The following CCDC15 variants were observed in gnomAD, a reference collection of about 807,000 sequenced individuals.
CCDC15 encodes the protein coiled-coil domain-containing protein 15.
Under a neutral mutation model 114.5 loss-of-function variants are expected in CCDC15, and 105 were observed. The ratio of observed to expected loss-of-function variants is 0.92; its 90% confidence interval spans 0.78 to 1.08. The LOEUF is 1.08. CCDC15 is among the 50% of genes least tolerant of loss of function. The pLI, the probability that CCDC15 is intolerant of heterozygous loss-of-function variation, is 0.00. For synonymous variants in CCDC15, 334 were observed against 377.8 expected, an observed-to-expected ratio of 0.88 and a Z score of 1.34; for missense variants, 1,105 against 1,093.6, an observed-to-expected ratio of 1.01 and a Z score of -0.15.
chr11:124,958,624 A>G (rs1229526012), intron 2 of CCDC15, among the ~76,000 whole-genome samples: 3 of 152,092 alleles, frequency 2.0e-5, no homozygotes, highest in Non-Finnish European at 4.4e-5. Flanking sequence ...GAAGTACTAT[A>G]CTCAGTTAAC....
intron 4 of CCDC15, among the ~76,000 whole-genome samples, chr11:124,966,022 C>A (rs1947772410): frequency 6.6e-6 from 1 of 152,156 alleles, no homozygotes; most frequent in Non-Finnish European, 1.5e-5. Flanking sequence ...GTTGTGATTT[C>A]TGTTCTTTTA....
At chr11:124,954,402 A>C in intron 1 of CCDC15, 32 bp downstream of exon 1, 1 of 199,804 alleles carries the variant, frequency 5.0e-6, no homozygotes, top group Non-Finnish European at 1.0e-5. Flanking sequence ...TCCGGGTTGC[A>C]GCTGTCATTC....
intron 11 of CCDC15, among the ~76,000 whole-genome samples, chr11:125,000,663 G>T (rs1948464808): frequency 6.6e-6 from 1 of 152,116 alleles, no homozygotes; most frequent in Non-Finnish European, 1.5e-5. Flanking sequence ...AAATTTTAGA[G>T]ATATTTCACA....
rs904317633 is a variant in CCDC15, at chr11:125,039,389, G to C, written c.2734+320G>C. The C allele has an allele frequency of 1.4e-4, 32 of 231,014 alleles. 1 individual carries two copies. Among genetic ancestry groups the C allele is most frequent in the African/African-American group, 7.0e-4 (31 of 44,364 alleles). 14.3% of individuals were successfully genotyped at this position (231,014 alleles called of 1,614,324 possible). On this transcript the variant is annotated intron_variant, in intron 15 of 15. Coordinates refer to ENST00000344762, the MANE Select transcript of CCDC15 (RefSeq NM_025004.3). ...ATGTAAGTTAGGACTCTATCCAGTTGAATTCCCTATTACTCAAATACTTTA... is the reference window on the plus strand; with the variant it reads ...ATGTAAGTTAGGACTCTATCCAGTTCAATTCCCTATTACTCAAATACTTTA...
chr11:125,010,781 G>C (rs1187628652), intron 13 of CCDC15, among the ~76,000 whole-genome samples: 3 of 152,192 alleles, frequency 2.0e-5, no homozygotes, highest in Admixed American at 6.5e-5. Context: ...CTCTTGCTGT[G>C]AGGAAGCTCT....
chr11:124,955,146 C>T (rs1947526907), intron 2 of CCDC15, among the ~76,000 whole-genome samples: 1 of 152,168 alleles, frequency 6.6e-6, no homozygotes, highest in Non-Finnish European at 1.5e-5. Flanking sequence ...AGAGCATAAT[C>T]TACATGGAAC....
intron 11 of CCDC15, among the ~76,000 whole-genome samples, chr11:124,996,623 G>T (rs1948375061): frequency 6.6e-6 from 1 of 152,070 alleles, no homozygotes; most frequent in African/African-American, 2.4e-5. Context: ...ACATTGTTGT[G>T]CAACCATCAC....
chr11:125,019,252 G>A (rs75944479), intron 13 of CCDC15, among the ~76,000 whole-genome samples: 3 of 151,948 alleles, frequency 2.0e-5, no homozygotes, highest in Non-Finnish European at 2.9e-5. Flanking sequence ...CAAGCACTTC[G>A]CATAGATTAT....
At chr11:124,967,940 G>A (rs538002528) in intron 4 of CCDC15, among the ~76,000 whole-genome samples, 52 of 152,278 alleles carry the variant, frequency 3.4e-4, no homozygotes, top group African/African-American at 1.2e-3. Context: ...TCCAGATCCT[G>A]TTTGCCTGGG....
intron 13 of CCDC15, among the ~76,000 whole-genome samples, chr11:125,037,089 G>T (rs1354961915): frequency 6.6e-6 from 1 of 151,992 alleles, no homozygotes; most frequent in Non-Finnish European, 1.5e-5. Context: ...AGTAATCTTT[G>T]GTTAGATGCC....
chr11:125,006,721 A>AC (rs1948554673), intron 13 of CCDC15, among the ~76,000 whole-genome samples: 1 of 147,732 alleles, frequency 6.8e-6, no homozygotes, highest in Non-Finnish European at 1.5e-5. Context: ...GTTTAGAGTC[A>AC]TTTTTTTTTT....
intron 8 of CCDC15, 121 bp downstream of exon 8, chr11:124,988,255 C>A: frequency 9.9e-7 from 1 of 1,013,384 alleles, no homozygotes; most frequent in Non-Finnish European, 1.4e-6. Context: ...CAGGCCATTG[C>A]AATAAAGCAA....
intron 6 of CCDC15, among the ~76,000 whole-genome samples, chr11:124,984,952 G>A (rs1948132447): frequency 6.6e-6 from 1 of 152,022 alleles, no homozygotes; most frequent in Non-Finnish European, 1.5e-5. Context: ...TTGTTTTTGG[G>A]ATTTGCTCTA....
intron 12 of CCDC15, 141 bp downstream of exon 12, chr11:125,004,100 G>A (rs761709376): frequency 2.2e-6 from 1 of 458,052 alleles, no homozygotes. Flanking sequence ...AAAGTTGCTT[G>A]ACTCATTATA....
intron 4 of CCDC15, among the ~76,000 whole-genome samples, chr11:124,962,465 G>C (rs1006057532): frequency 6.6e-6 from 1 of 152,184 alleles, no homozygotes; most frequent in Non-Finnish European, 1.5e-5. Context: ...AGCAAGATTG[G>C]CTAGGAGTTG....
intron 13 of CCDC15, among the ~76,000 whole-genome samples, chr11:125,026,553 C>A (rs908832118): frequency 6.6e-6 from 1 of 152,046 alleles, no homozygotes; most frequent in Admixed American, 6.6e-5. Context: ...TTTGAAGGTG[C>A]TTTTTGTAGA....
chr11:125,019,673 A>C lies in CCDC15; in HGVS notation c.2411+14461A>C, dbSNP rs574682940. 9.9e-5 allele frequency among the ~76,000 whole-genome samples: 15 copies of C among 152,088 alleles called. No homozygotes were observed. The East Asian group carries it at 2.7e-3, about 27-fold the overall frequency. On this transcript the variant is annotated intron_variant, in intron 13 of 15. Transcript: ENST00000344762. ...GAATTCAAGGATAACTCCCAGATTT[A>C]TGGCTTAGGTCACTGGGTACATGTT...
rs149471715 is a variant in CCDC15, at chr11:124,956,096, A to G, written c.177+1187A>G. 5.3e-5 allele frequency among the ~76,000 whole-genome samples: 8 copies of G among 152,270 alleles called. No individual in the cohort carries two copies. The East Asian group carries it at 1.4e-3, about 26-fold the overall frequency. On this transcript the variant is annotated intron_variant, in intron 2 of 15. Transcript: ENST00000344762. ...TAGGAGAATGGTTGCTGACAGGATT[A>G]TGGAAAATAGGGATGGTAGAGTACC...
intron 13 of CCDC15, among the ~76,000 whole-genome samples, chr11:125,031,118 G>A (rs1344004864): frequency 6.6e-6 from 1 of 152,202 alleles, no homozygotes; most frequent in Admixed American, 6.5e-5. Flanking sequence ...CATGCAAAGT[G>A]CACAACCAGG....
Sources: gnomAD v4.1 joint callset for allele counts (sites outside exome capture counted in the v4.1 genomes callset) on GRCh38, gnomAD v4.1.1 for gene constraint, MANE v1.5 for transcripts, NCBI Gene and HGNC (gene_info 2026-07-23, HGNC 2026-07-21) for gene names.